The following PSEN1 variants were observed in gnomAD, a reference collection of about 807,000 sequenced individuals.
PSEN1 encodes presenilin-1.
In PSEN1, 15 loss-of-function variants were observed where a neutral mutation model predicts 53.5. That is an observed-to-expected ratio of 0.28 (90% CI 0.19 to 0.43). The LOEUF is 0.43. Among genes scored for constraint, PSEN1 ranks in the 20% least tolerant of loss-of-function variants. The pLI is 1.00. For synonymous variants in PSEN1, 208 were observed against 209.8 expected, an observed-to-expected ratio of 0.99 and a Z score of 0.08; for missense variants, 387 against 571.2, an observed-to-expected ratio of 0.68 and a Z score of 3.29.
At chr14:73,208,123 T>G (rs1462699414) in intron 9 of PSEN1, among the ~76,000 whole-genome samples, 1 of 152,210 alleles carries the variant, frequency 6.6e-6, no homozygotes, top group Non-Finnish European at 1.5e-5. Flanking sequence ...TAGCCCTGGC[T>G]TAGGGAACTC....
At chr14:73,209,429 T>G (rs1222686807) in intron 9 of PSEN1, among the ~76,000 whole-genome samples, 4 of 152,188 alleles carry the variant, frequency 2.6e-5, no homozygotes, top group Non-Finnish European at 5.9e-5. Context: ...CTAAAGAAAA[T>G]CAAATGATTG....
At chr14:73,169,374 C>T (rs572119311) in intron 3 of PSEN1, 1 of 152,312 alleles carries the variant, frequency 6.6e-6, no homozygotes, top group East Asian at 1.9e-4. Context: ...CTATTTCATC[C>T]ATTTCTGAGG....
At chr14:73,179,069 G>C (rs141656976) in intron 5 of PSEN1, among the ~76,000 whole-genome samples, 118 of 152,288 alleles carry the variant, frequency 7.7e-4, no homozygotes, top group African/African-American at 2.7e-3. Flanking sequence ...CTTTCTTTCT[G>C]TGATCTCCAT....
At position 73,189,522 on chromosome 14, in the gene PSEN1, G is replaced by T. The variant is rs540505960; in HGVS notation, c.548+2602G>T. 1.5e-3 allele frequency among the ~76,000 whole-genome samples: 225 copies of T among 152,284 alleles called. 1 individual carries two copies. Among genetic ancestry groups the T allele is most frequent in the Non-Finnish European group, 2.8e-3 (189 of 68,020 alleles). Reference sequence around the variant, plus strand: ...AGCTACTCTGGAGGCTGAGGCAGGAGAGTGGCGTGAACCTGGGAGATGGAG... The same window carrying T: ...AGCTACTCTGGAGGCTGAGGCAGGATAGTGGCGTGAACCTGGGAGATGGAG... On this transcript the variant is annotated intron_variant, in intron 6 of 11. Coordinates refer to ENST00000324501, the MANE Select transcript of PSEN1 (RefSeq NM_000021.4).
chr14:73,169,699 A>T (rs1897829832), intron 3 of PSEN1, among the ~76,000 whole-genome samples: 1 of 150,272 alleles, frequency 6.7e-6, no homozygotes, highest in African/African-American at 2.5e-5. Context: ...TTTGTCACCC[A>T]TAGTGGCACG....
chr14:73,206,281 A>C, intron 8 of PSEN1, 105 bp from the exon 9 acceptor site: 1 of 799,584 alleles, frequency 1.3e-6, no homozygotes, highest in East Asian at 2.6e-5. Flanking sequence ...GTCTTAAGGC[A>C]GCATTAGGAA....
At chr14:73,155,709 G>C (rs913039585) in intron 3 of PSEN1, among the ~76,000 whole-genome samples, 1 of 151,674 alleles carries the variant, frequency 6.6e-6, no homozygotes, top group African/African-American at 2.4e-5. Context: ...TGTAGAGCTG[G>C]GGTCTCGTTA....
At chr14:73,216,610 T>C (rs1899924836) in intron 10 of PSEN1, among the ~76,000 whole-genome samples, 1 of 152,000 alleles carries the variant, frequency 6.6e-6, no homozygotes, top group Non-Finnish European at 1.5e-5. Flanking sequence ...AATAAAAAAA[T>C]TAGCCAGGCA....
intron 9 of PSEN1, among the ~76,000 whole-genome samples, chr14:73,207,393 G>A (rs1381213423): frequency 2.6e-5 from 4 of 152,040 alleles, no homozygotes; most frequent in African/African-American, 7.2e-5. Context: ...TAACTTTTAT[G>A]AGGAATCTGA....
At chr14:73,211,418 A>G (rs1899674240) in intron 9 of PSEN1, among the ~76,000 whole-genome samples, 1 of 152,130 alleles carries the variant, frequency 6.6e-6, no homozygotes, top group Non-Finnish European at 1.5e-5. Flanking sequence ...ATCCCGGTGG[A>G]CTTTGCTTCA....
Position 73,177,879 on chromosome 14 carries a change from G to C in PSEN1, c.480+4172G>C, listed in dbSNP as rs954555252. ...CTGTTTGGAGTTCACTGAGCTTTTT[G>C]AATCTCTAGGTTTATGTCTTTTACC... On this transcript the variant is annotated intron_variant, in intron 5 of 11. Coordinates refer to ENST00000324501, the MANE Select transcript of PSEN1 (RefSeq NM_000021.4). 4.6e-5 allele frequency among the ~76,000 whole-genome samples: 7 copies of C among 152,074 alleles called. No homozygotes were observed. In the East Asian group the frequency reaches 5.8e-4, roughly 13 times the overall value.
intron 1 of PSEN1, among the ~76,000 whole-genome samples, chr14:73,145,561 A>G (rs1897046067): frequency 6.7e-6 from 1 of 149,886 alleles, no homozygotes; most frequent in African/African-American, 2.5e-5. Context: ...CTAGTCACGA[A>G]CTCCTGGCCT....
Position 73,198,074 on chromosome 14 carries a change from G to T in PSEN1, c.813G>T (p.Leu271=), listed in dbSNP as rs757698754. The change falls in exon 8 of 12, where the codon CTG becomes CTT. Residue 271 remains leucine, a synonymous_variant. Transcript: ENST00000324501. ...VLCPKGPLRM[L]VETAQERNET... ...GTCCGAAAGGTCCACTTCGTATGCT[G>T]GTTGAAACAGCTCAGGAGAGAAATG... 1.3e-5 allele frequency: 21 copies of T among 1,612,962 alleles called. No homozygotes were observed. Among genetic ancestry groups the T allele is most frequent in the Non-Finnish European group, 1.8e-5 (21 of 1,179,166 alleles).
At chr14:73,213,931 C>G (rs908200655) in intron 10 of PSEN1, among the ~76,000 whole-genome samples, 2 of 152,096 alleles carry the variant, frequency 1.3e-5, no homozygotes, top group Non-Finnish European at 2.9e-5. Context: ...GAAAACAGTT[C>G]GGTAGTTCTT....
At chr14:73,202,462 A>ATTT (rs1166113102) in intron 8 of PSEN1, among the ~76,000 whole-genome samples, 2 of 11,526 alleles carry the variant, frequency 1.7e-4, no homozygotes, top group African/African-American at 4.3e-4. Flanking sequence ...ATATATATAT[A>ATTT]TTTTTTTTTT....
chr14:73,143,611 G>A (rs1896986804), intron 1 of PSEN1, among the ~76,000 whole-genome samples: 1 of 152,084 alleles, frequency 6.6e-6, no homozygotes, highest in African/African-American at 2.4e-5. Context: ...GATTTTTATG[G>A]GATTTGTCTG....
chr14:73,153,114 TAAATG>T (rs1209338820), intron 3 of PSEN1, among the ~76,000 whole-genome samples: 4 of 152,000 alleles, frequency 2.6e-5, no homozygotes, highest in African/African-American at 7.3e-5. Flanking sequence ...AGAAAAAAAA[TAAATG>T]AAATGGGTGA....
intron 10 of PSEN1, among the ~76,000 whole-genome samples, chr14:73,216,803 C>G: frequency 6.6e-6 from 1 of 151,852 alleles, no homozygotes; most frequent in Non-Finnish European, 1.5e-5. Context: ...TGATGCCTAT[C>G]TCAGAATTCT....
At chr14:73,160,044 A>C (rs1457096274) in intron 3 of PSEN1, 1 of 263,850 alleles carries the variant, frequency 3.8e-6, no homozygotes, top group South Asian at 3.2e-5. Context: ...GGCTGATCTC[A>C]AACTCCTGGG....
Sources: allele counts gnomAD v4.1 joint callset (sites outside exome capture counted in the v4.1 genomes callset), GRCh38; gene constraint gnomAD v4.1.1; transcripts MANE v1.5; gene names NCBI Gene and HGNC (gene_info 2026-07-23, HGNC 2026-07-21).